The following MESP2 variants were observed in gnomAD, a reference collection of about 807,000 sequenced individuals.
MESP2 encodes mesoderm posterior bHLH transcription factor 2.
Under a neutral mutation model 37.8 loss-of-function variants are expected in MESP2, and 34 were observed. That is an observed-to-expected ratio of 0.90 (90% CI 0.68 to 1.20). The LOEUF (loss-of-function observed/expected upper bound fraction) is 1.20, where lower values mean the gene tolerates loss of function less well. Ranked by LOEUF, MESP2 falls within the 50% of genes most tolerant of loss-of-function variation. The probability of loss-of-function intolerance (pLI) is 0.00; values close to 1 mark genes in which losing one functional copy is unlikely to be tolerated. For missense variants in MESP2, 646 were observed against 545.3 expected, an observed-to-expected ratio of 1.18 and a Z score of -1.84; for synonymous variants, 303 against 251.6, an observed-to-expected ratio of 1.20 and a Z score of -1.93.
rs148491857 is a variant in MESP2, at chr15:89,777,574, G to A, written c.924+293G>A. 2.0e-3 allele frequency among the ~76,000 whole-genome samples: 303 copies of A among 152,268 alleles called. 4 individuals carry two copies. The highest frequency in any genetic ancestry group is 6.7e-3 in the African/African-American group (278 of 41,546). On this transcript the variant is annotated intron_variant, in intron 1 of 1. Transcript: ENST00000341735. ...AAGTGCTATTAAGACTGCAGTGGGG[G>A]AAGGAAGTCCCAGGGTAAGGGCAGC...
rs201904631 is a variant in MESP2 at position 89,777,216 on chromosome 15, C to T, written c.859C>T (p.Pro287Ser). The T allele has an allele frequency of 1.2e-4, 193 of 1,612,526 alleles. No homozygotes were observed. The African/African-American group carries it at 2.3e-3, about 19-fold the overall frequency. Reference sequence around the variant, plus strand: ...TCCCTGGACGCAGTCGTCCCCAGAGCCCCGGAACCCACCAGTGCCCTGGAC... The same window carrying T: ...TCCCTGGACGCAGTCGTCCCCAGAGTCCCGGAACCCACCAGTGCCCTGGAC... ...GCPWTQSSPEPRNPPVPWTAA... is the reference protein window; with the variant it reads ...GCPWTQSSPESRNPPVPWTAA... Residue 287 changes from proline (P) to serine (S), a missense_variant, in exon 1 of 2, where the codon CCC becomes TCC. Physicochemically the swap from Pro to Ser is moderately conservative, Grantham distance 74 (BLOSUM62 -1). Coordinates refer to ENST00000341735, the MANE Select transcript of MESP2 (RefSeq NM_001039958.2).
In MESP2 at chr15:89,776,903, AGGGC is replaced by A; in HGVS notation, c.547_550del (p.Gly183ArgfsTer297). 8 of 1,159,620 alleles carry A rather than the reference AGGGC, an allele frequency of 6.9e-6. No homozygotes were observed. The highest frequency in any genetic ancestry group is 3.2e-5 in the African/African-American group (2 of 62,394). 71.8% of individuals were successfully genotyped at this position (1,159,620 alleles called of 1,614,324 possible). Reference sequence around the variant, plus strand: ...AGACGCAGGCGGAGGGGCAGGGGCAAGGGCAGGGGCAGGGGCAGGGGCAAGGGCA... The same window carrying A: ...AGACGCAGGCGGAGGGGCAGGGGCAAAGGGGCAGGGGCAGGGGCAAGGGCA... On this transcript the variant is annotated frameshift_variant, in exon 1 of 2. Transcript: ENST00000341735. LOFTEE classifies it high-confidence loss of function.
Position 89,778,100 on chromosome 15 carries a change from G to T in MESP2, c.960G>T (p.Leu320=). The T allele has an allele frequency of 6.2e-7, 1 of 1,613,626 alleles. No individual in the cohort carries two copies. Among genetic ancestry groups the T allele is most frequent in the African/African-American group, 1.3e-5 (1 of 74,986 alleles). The change falls in exon 2 of 2, where the codon CTG becomes CTT. Residue 320 remains leucine (L), a synonymous_variant. Transcript: ENST00000341735. The part of the protein sequence containing the change: ...LSVSPEPCLS[L]GAPSLLPHPS... ...TGTCTCCAGAGCCCTGTCTGTCGCT[G>T]GGAGCTCCATCTCTCCTGCCCCACC...
rs773054694 is a variant in MESP2, at chr15:89,777,112, G to T, written c.755G>T (p.Cys252Phe). The part of the protein sequence containing the change: ...DTDPWATPPY[C>F]PKIQSPPYSS... ...GATCCCTGGGCAACACCCCCTTACTGCCCCAAGATACAGTCGCCCCCGTAT... is the reference window on the plus strand; with the variant it reads ...GATCCCTGGGCAACACCCCCTTACTTCCCCAAGATACAGTCGCCCCCGTAT... The change falls in exon 1 of 2, where the codon TGC (cysteine) becomes TTC (phenylalanine). Residue 252 changes from cysteine to phenylalanine, a missense_variant. Physicochemically the swap from Cys to Phe is radical, Grantham distance 205 (BLOSUM62 -2). Transcript: ENST00000341735. The T allele has an allele frequency of 3.7e-6, 6 of 1,612,720 alleles. No homozygotes were observed. The African/African-American group carries it at 5.3e-5, about 14-fold the overall frequency.
rs1254065678 is a variant in MESP2 at position 89,778,313 on chromosome 15, C to T, written c.1173C>T (p.Ala391=). The change falls in exon 2 of 2, where the codon GCC becomes GCT. Residue 391 remains alanine, a synonymous_variant. Coordinates refer to ENST00000341735, the MANE Select transcript of MESP2 (RefSeq NM_001039958.2). ...PELWQEDLEG[A]RLGIFY ...TTTGGCAAGAAGATCTGGAGGGGGC[C>T]CGCCTGGGCATCTTCTACTAAATGG... 1 of 1,613,012 alleles carries T rather than the reference C, an allele frequency of 6.2e-7. No homozygotes were observed. Among genetic ancestry groups the T allele is most frequent in the Non-Finnish European group, 8.5e-7 (1 of 1,180,038 alleles).
intron 1 of MESP2, 98 bp from the exon 2 acceptor site, chr15:89,777,967 C>T (rs775320503): frequency 2.2e-5 from 34 of 1,552,576 alleles, no homozygotes; most frequent in South Asian, 2.0e-4. Flanking sequence ...CAGGGCTGTC[C>T]GGATGCTGCC....
In MESP2 at chr15:89,778,217, C is replaced by T. The variant is rs376465704; in HGVS notation, c.1077C>T (p.Gly359=). The change falls in exon 2 of 2, where the codon GGC becomes GGT. Residue 359 remains glycine (G), a synonymous_variant. Coordinates refer to ENST00000341735, the MANE Select transcript of MESP2 (RefSeq NM_001039958.2). ...CCAACTCAGAGGACCAGGGACCGGG[C>T]GCCGCCTTCCAGCTCAGTGAAGCAA... ...VVPNSEDQGP[G]AAFQLSEASP... 2.0e-5 allele frequency: 33 copies of T among 1,613,402 alleles called. No homozygotes were observed. The highest frequency in any genetic ancestry group is 6.7e-5 in the Admixed American group (4 of 60,002).
rs778503063 is a variant in MESP2 at position 89,776,954 on chromosome 15, A to G, written c.597A>G (p.Gly199=). 1.2e-4 allele frequency: 172 copies of G among 1,440,526 alleles called. No individual in the cohort carries two copies. The highest frequency in any genetic ancestry group is 1.4e-4 in the Non-Finnish European group (153 of 1,076,978). 89.2% of individuals were successfully genotyped at this position (1,440,526 alleles called of 1,614,324 possible). A position where few individuals can be genotyped will look rare whatever the true frequency, so the allele number is the denominator to read the frequency against. Residue 199 remains glycine (G), a synonymous_variant, in exon 1 of 2, where the codon GGA becomes GGG. Coordinates refer to ENST00000341735, the MANE Select transcript of MESP2 (RefSeq NM_001039958.2). ...GQGQGQGQGQ[G]QGQGQGRRPG... is the part of the protein sequence containing the mutation. ...GGCAGGGGCAAGGACAGGGGCAAGG[A>G]CAGGGGCAAGGGCAGGGGCGCAGGC...
chr15:89,778,590 A>G lies in MESP2; in HGVS notation c.*256A>G. ...TGCAGAGCACAGTCTGAGCTGCTCT[A>G]AGAAGGGGTCTCCTTTACCCTAAAG... On this transcript the variant is annotated 3_prime_UTR_variant, in exon 2 of 2. Coordinates refer to ENST00000341735, the MANE Select transcript of MESP2 (RefSeq NM_001039958.2). 3.6e-6 allele frequency: 2 copies of G among 548,800 alleles called. No homozygotes were observed. Among genetic ancestry groups the G allele is most frequent in the South Asian group, 4.1e-5 (2 of 48,620 alleles). The allele number at this position is 548,800 out of a possible 1,614,324, so 34.0% of individuals were successfully genotyped here. A position where few individuals can be genotyped will look rare whatever the true frequency, so the allele number is the denominator to read the frequency against.
rs1164588513 is a variant in MESP2 at position 89,776,618 on chromosome 15, C to T, written c.261C>T (p.Ser87=). 3.9e-6 allele frequency: 6 copies of T among 1,521,176 alleles called. No individual in the cohort carries two copies. In the Admixed American group the frequency reaches 1.0e-4, roughly 26 times the overall value. The allele number at this position is 1,521,176 out of a possible 1,614,324, so 94.2% of individuals were successfully genotyped here. Residue 87 remains serine (S), a synonymous_variant, in exon 1 of 2, where the codon AGC becomes AGT. Coordinates refer to ENST00000341735, the MANE Select transcript of MESP2 (RefSeq NM_001039958.2). ...GPAGGQRQSA[S]EREKLRMRTL... is the part of the protein sequence containing the mutation. ...CGGGCGGACAGCGGCAGAGCGCCAG[C>T]GAGCGGGAGAAACTGCGCATGCGCA...
At position 89,777,199 on chromosome 15, in the gene MESP2, C is replaced by T. The variant is rs776682288; in HGVS notation, c.842C>T (p.Thr281Met). The change falls in exon 1 of 2, where the codon ACG becomes ATG. Residue 281 changes from threonine (T) to methionine (M), a missense_variant. Physicochemically the swap from Thr to Met is moderately conservative, Grantham distance 81. Coordinates refer to ENST00000341735, the MANE Select transcript of MESP2 (RefSeq NM_001039958.2). ...ACGCCACCCCAAGGCTGTCCCTGGA[C>T]GCAGTCGTCCCCAGAGCCCCGGAAC... is the stretch of plus-strand genomic sequence containing the variant. Reference protein sequence around the residue: ...LWTPPQGCPWTQSSPEPRNPP... With the variant: ...LWTPPQGCPWMQSSPEPRNPP... The T allele has an allele frequency of 5.6e-6, 9 of 1,612,738 alleles. No individual in the cohort carries two copies. Among genetic ancestry groups the T allele is most frequent in the South Asian group, 1.1e-5 (1 of 91,022 alleles).
At position 89,778,686 on chromosome 15, in the gene MESP2, TTGG is replaced by T; in HGVS notation, c.*353_*355del. 1 of 309,222 alleles carries T rather than the reference TTGG, an allele frequency of 3.2e-6. No homozygotes were observed. 19.2% of individuals were successfully genotyped at this position (309,222 alleles called of 1,614,324 possible). A position where few individuals can be genotyped will look rare whatever the true frequency, so the allele number is the denominator to read the frequency against. ...CCCAGGCTCTGCTTCTTGGTGACAG[TTGG>T]CCAGAGCCCTGTATGCTTTGATTTT... On this transcript the variant is annotated 3_prime_UTR_variant, in exon 2 of 2. Coordinates refer to ENST00000341735, the MANE Select transcript of MESP2 (RefSeq NM_001039958.2).
In MESP2 at chr15:89,778,403, T is replaced by C. The variant is rs2141777304; in HGVS notation, c.*69T>C. 2 of 1,576,908 alleles carry C rather than the reference T, an allele frequency of 1.3e-6. No homozygotes were observed. Among genetic ancestry groups the C allele is most frequent in the East Asian group, 4.5e-5 (2 of 44,450 alleles). On this transcript the variant is annotated 3_prime_UTR_variant, in exon 2 of 2. Coordinates refer to ENST00000341735, the MANE Select transcript of MESP2 (RefSeq NM_001039958.2). ...GCTTGGGTGCCTCCTTATTTGTTAA[T>C]TAGTGGCTTTTCATGTTCTCCTTTA...
chr15:89,776,344 C>T lies in MESP2; in HGVS notation c.-14C>T, dbSNP rs952843405. The T allele has an allele frequency of 6.5e-7, 1 of 1,530,952 alleles. No homozygotes were observed. The highest frequency in any genetic ancestry group is 2.0e-5 in the Admixed American group (1 of 50,786). The allele number at this position is 1,530,952 out of a possible 1,614,324, so 94.8% of individuals were successfully genotyped here. On this transcript the variant is annotated 5_prime_UTR_variant, in exon 1 of 2. Transcript: ENST00000341735. ...AGGTGGCCAACCCAGCCTCCCAGAG[C>T]CTGCAGCCCGGCCATGGCCCAGTCG...
In MESP2 at chr15:89,778,496, T is replaced by G; in HGVS notation, c.*162T>G. ...GTGTTTGAAATAGATAGCGGGTACCTTCCCTGGATGGAGTCAGGGCGGGGG... is the reference window on the plus strand; with the variant it reads ...GTGTTTGAAATAGATAGCGGGTACCGTCCCTGGATGGAGTCAGGGCGGGGG... On this transcript the variant is annotated 3_prime_UTR_variant, in exon 2 of 2. Coordinates refer to ENST00000341735, the MANE Select transcript of MESP2 (RefSeq NM_001039958.2). The G allele has an allele frequency of 1.9e-5, 17 of 904,088 alleles. No homozygotes were observed. The highest frequency in any genetic ancestry group is 2.8e-5 in the Non-Finnish European group (16 of 578,856). The allele number at this position is 904,088 out of a possible 1,614,324, so 56.0% of individuals were successfully genotyped here.
chr15:89,778,388 C>G lies in MESP2; in HGVS notation c.*54C>G. On this transcript the variant is annotated 3_prime_UTR_variant, in exon 2 of 2. Coordinates refer to ENST00000341735, the MANE Select transcript of MESP2 (RefSeq NM_001039958.2). Reference sequence around the variant, plus strand: ...GGAATCAGTCCTGTAGCTTGGGTGCCTCCTTATTTGTTAATTAGTGGCTTT... The same window carrying G: ...GGAATCAGTCCTGTAGCTTGGGTGCGTCCTTATTTGTTAATTAGTGGCTTT... The G allele has an allele frequency of 1.2e-6, 2 of 1,606,830 alleles. No individual in the cohort carries two copies. Among genetic ancestry groups the G allele is most frequent in the Non-Finnish European group, 1.7e-6 (2 of 1,175,120 alleles).
At position 89,776,890 on chromosome 15, in the gene MESP2, AGGGGC is replaced by A. The variant is rs1968373780; in HGVS notation, c.534_538del (p.Gln180AlafsTer185). The A allele has an allele frequency of 8.3e-6, 4 of 479,874 alleles. No homozygotes were observed. Among genetic ancestry groups the A allele is most frequent in the Non-Finnish European group, 1.1e-5 (4 of 363,380 alleles). 29.7% of individuals were successfully genotyped at this position (479,874 alleles called of 1,614,324 possible). ...CCCGCAGAGGCGCAGACGCAGGCGGAGGGGCAGGGGCAAGGGCAGGGGCAGGGGCA... is the reference window on the plus strand; with the variant it reads ...CCCGCAGAGGCGCAGACGCAGGCGGAAGGGGCAAGGGCAGGGGCAGGGGCA... On this transcript the variant is annotated frameshift_variant, in exon 1 of 2. Coordinates refer to ENST00000341735, the MANE Select transcript of MESP2 (RefSeq NM_001039958.2). LOFTEE classifies it high-confidence loss of function.
Position 89,777,316 on chromosome 15 carries a change from T to A in MESP2, c.924+35T>A, listed in dbSNP as rs781305451. 4 of 1,587,440 alleles carry A rather than the reference T, an allele frequency of 2.5e-6. No homozygotes were observed. The African/African-American group carries it at 4.0e-5, about 16-fold the overall frequency. On this transcript the variant is annotated intron_variant, in intron 1 of 1. Coordinates refer to ENST00000341735, the MANE Select transcript of MESP2 (RefSeq NM_001039958.2). ...GAGGCCCTTGCTGTGTTCCCCAGCC[T>A]CCAGTCTGCAGAGAATCTCGTACTT...
At position 89,776,824 on chromosome 15, in the gene MESP2, C is replaced by G; in HGVS notation, c.467C>G (p.Ala156Gly). The change falls in exon 1 of 2, where the codon GCG (alanine) becomes GGG (glycine). Residue 156 changes from alanine to glycine, a missense_variant. Transcript: ENST00000341735. ...TGCCGGCGCAGGCAGCGCGGGGACG[C>G]GGGGTCCCCTTGGGGCTGCCCGCTG... ...LQCRRRQRGD[A>G]GSPWGCPLCP... The G allele has an allele frequency of 6.8e-7, 1 of 1,463,542 alleles. No homozygotes were observed. Among genetic ancestry groups the G allele is most frequent in the Non-Finnish European group, 9.0e-7 (1 of 1,116,026 alleles). 90.7% of individuals were successfully genotyped at this position (1,463,542 alleles called of 1,614,324 possible).
Sources: allele counts gnomAD v4.1 joint callset (sites outside exome capture counted in the v4.1 genomes callset), GRCh38; gene constraint gnomAD v4.1.1; transcripts MANE v1.5; gene names NCBI Gene and HGNC (gene_info 2026-07-23, HGNC 2026-07-21).